BTBD7: variants seen among roughly 807,000 people sequenced by gnomAD.
BTBD7 encodes the protein BTB domain containing 7, also known as BTB/POZ domain-containing protein 7.
A neutral mutation model predicts 99.9 loss-of-function variants in BTBD7; 38 were observed. The ratio of observed to expected loss-of-function variants is 0.38; its 90% CI spans 0.29 to 0.50. BTBD7 has a LOEUF of 0.50. Among genes scored for constraint, BTBD7 ranks in the 20% least tolerant of loss-of-function variants. The probability of loss-of-function intolerance (pLI) is 0.93; values close to 1 mark genes in which losing one functional copy is unlikely to be tolerated. For synonymous variants in BTBD7, 520 were observed against 511.4 expected (o/e 1.02, Z -0.23); for missense variants, 1,170 against 1,394.6 (o/e 0.84, Z 2.57).
At chr14:93,260,096 C>G (rs899262700) in intron 5 of BTBD7, among the ~76,000 whole-genome samples, 2 of 151,970 alleles carry the variant, frequency 1.3e-5, no homozygotes, top group Admixed American at 1.3e-4. Flanking sequence ...GCTTTTGTTC[C>G]CTAGAGCTTG....
intron 1 of BTBD7, among the ~76,000 whole-genome samples, chr14:93,313,710 A>AT (rs2053166486): frequency 7.0e-6 from 1 of 143,440 alleles, no homozygotes; most frequent in Non-Finnish European, 1.6e-5. Flanking sequence ...ACACACACAC[A>AT]CACACAATCA....
intron 1 of BTBD7, among the ~76,000 whole-genome samples, chr14:93,301,686 C>T (rs8022298): frequency 0.38 from 58,289 of 151,750 alleles, 12,370 homozygotes; most frequent in African/African-American, 0.58. Context: ...GAGACTTTCT[C>T]AAAAACAAAA....
At chr14:93,258,440 C>A (rs2052454124) in intron 5 of BTBD7, among the ~76,000 whole-genome samples, 1 of 151,830 alleles carries the variant, frequency 6.6e-6, no homozygotes, top group African/African-American at 2.4e-5. Flanking sequence ...TTACATGAAA[C>A]CCCCAAATAT....
rs552188227 is a variant in BTBD7, at chr14:93,274,560, G to A, written c.1163-10567C>T. ...AAGACAATCCTGAAGTACATTCCAT[G>A]TGGCTCATCAGTGAGTTCCAGTAGG... On this transcript the variant is annotated intron_variant, in intron 3 of 10. Coordinates refer to ENST00000334746, the MANE Select transcript of BTBD7 (RefSeq NM_001002860.4). 3.3e-3 allele frequency among the ~76,000 whole-genome samples: 504 copies of A among 152,304 alleles called. 1 individual carries two copies. Among genetic ancestry groups the A allele is most frequent in the African/African-American group, 0.011 (469 of 41,568 alleles).
intron 5 of BTBD7, among the ~76,000 whole-genome samples, chr14:93,260,360 TACA>T (rs1409400459): frequency 3.9e-5 from 6 of 152,308 alleles, no homozygotes; most frequent in Non-Finnish European, 5.9e-5. Flanking sequence ...CATAAAGGAA[TACA>T]ACGATGTTTG....
intron 2 of BTBD7, 132 bp downstream of exon 2, chr14:93,295,838 G>A: frequency 1.3e-6 from 1 of 798,524 alleles, no homozygotes; most frequent in Admixed American, 3.0e-5. Context: ...GTTTGTTGGG[G>A]GAAAAAACCT....
At position 93,293,972 on chromosome 14, in the gene BTBD7, T is replaced by C. The variant is rs773562767; in HGVS notation, c.1048A>G (p.Ser350Gly). 2.5e-6 allele frequency: 4 copies of C among 1,613,770 alleles called. No homozygotes were observed. The South Asian group carries it at 4.4e-5, about 18-fold the overall frequency. The change falls in exon 3 of 11, where the codon AGT (serine) becomes GGT (glycine). Residue 350 changes from serine to glycine, a missense_variant. By Grantham distance (56) the Ser-to-Gly change is moderately conservative. Transcript: ENST00000334746. ...ACGAGAGCCTGAACTTCACTGAGAC[T>C]CCCCACAGAGGGGCTACAGTGCAAA... ...SVLHCSPSVG[S>G]LSEVQALVAG... is the part of the protein sequence containing the mutation.
chr14:93,281,098 G>A (rs993798008), intron 3 of BTBD7, among the ~76,000 whole-genome samples: 1 of 151,758 alleles, frequency 6.6e-6, no homozygotes, highest in Non-Finnish European at 1.5e-5. Context: ...CGCTTCTTGG[G>A]CTCTTGATCC....
At chr14:93,328,999 C>A (rs955417919) in intron 1 of BTBD7, among the ~76,000 whole-genome samples, 1 of 152,040 alleles carries the variant, frequency 6.6e-6, no homozygotes, top group South Asian at 2.1e-4. Context: ...ACACCAAAAG[C>A]ATAAGCAACA....
At chr14:93,288,954 T>TC (rs1454956117) in intron 3 of BTBD7, among the ~76,000 whole-genome samples, 1 of 152,230 alleles carries the variant, frequency 6.6e-6, no homozygotes, top group Non-Finnish European at 1.5e-5. Context: ...ATCCCTACCC[T>TC]CCTCTGTTGC....
chr14:93,248,641 G>C lies in BTBD7; in HGVS notation c.1956C>G (p.Leu652=). 6.2e-7 allele frequency: 1 copy of C among 1,607,930 alleles called. No homozygotes were observed. Among genetic ancestry groups the C allele is most frequent in the Non-Finnish European group, 8.5e-7 (1 of 1,178,050 alleles). ...VANEIPVPRL[L]IMKDMVRRLQ... ...GTCGTCTGACCATGTCTTTCATAAT[G>C]AGGAGACGAGGAACTGGAAGGAGAA... Residue 652 remains leucine (L), a synonymous_variant, in exon 9 of 11, where the codon CTC becomes CTG. Transcript: ENST00000334746.
At chr14:93,321,906 G>A (rs1025615845) in intron 1 of BTBD7, among the ~76,000 whole-genome samples, 1 of 152,110 alleles carries the variant, frequency 6.6e-6, no homozygotes, top group Non-Finnish European at 1.5e-5. Context: ...AATAGAAGGA[G>A]CGAGAAGAAT....
intron 5 of BTBD7, among the ~76,000 whole-genome samples, chr14:93,261,385 A>C (rs1342843219): frequency 6.6e-6 from 1 of 152,194 alleles, no homozygotes; most frequent in Non-Finnish European, 1.5e-5. Context: ...CATAATAATA[A>C]AAAGTATCCT....
chr14:93,268,217 T>A (rs373296954), intron 3 of BTBD7, among the ~76,000 whole-genome samples: 23,573 of 152,200 alleles, frequency 0.15, 2,812 homozygotes, highest in African/African-American at 0.33. Context: ...AGTCTCAGCT[T>A]AGATGCTGCC....
chr14:93,309,551 C>T (rs1175636164), intron 1 of BTBD7, among the ~76,000 whole-genome samples: 1 of 151,786 alleles, frequency 6.6e-6, no homozygotes, highest in Non-Finnish European at 1.5e-5. Flanking sequence ...AGTGCTATAC[C>T]AACCTTTCTG....
At chr14:93,264,268 T>C (rs924650877) in intron 3 of BTBD7, among the ~76,000 whole-genome samples, 7 of 152,078 alleles carry the variant, frequency 4.6e-5, no homozygotes, top group African/African-American at 1.7e-4. Context: ...AAACCAATAA[T>C]GTGAGTAAGT....
At chr14:93,269,611 C>T (rs2052579597) in intron 3 of BTBD7, among the ~76,000 whole-genome samples, 1 of 152,202 alleles carries the variant, frequency 6.6e-6, no homozygotes, top group Non-Finnish European at 1.5e-5. Flanking sequence ...AGTCATGCTA[C>T]AGTTTTTTCT....
chr14:93,292,319 C>T (rs2052867923), intron 3 of BTBD7, among the ~76,000 whole-genome samples: 1 of 151,408 alleles, frequency 6.6e-6, no homozygotes, highest in Non-Finnish European at 1.5e-5. Context: ...GGTAATGTTG[C>T]AAACTTCAAA....
rs1434345372 is a variant in BTBD7, at chr14:93,241,310, G to C, written c.*963C>G. The C allele has an allele frequency of 6.9e-6, 1 of 145,092 alleles. No homozygotes were observed. Among genetic ancestry groups the C allele is most frequent in the South Asian group, 2.3e-4 (1 of 4,274 alleles). 9.0% of individuals were successfully genotyped at this position (145,092 alleles called of 1,614,324 possible). ...AGGCACGCACCACCACGCCTGGCTA[G>C]ATTTTTTTTTTTTTGTATTTTTTAT... On this transcript the variant is annotated 3_prime_UTR_variant, in exon 11 of 11. Transcript: ENST00000334746.
Sources: gnomAD v4.1 joint callset for allele counts (sites outside exome capture counted in the v4.1 genomes callset) on GRCh38, gnomAD v4.1.1 for gene constraint, MANE v1.5 for transcripts, NCBI Gene and HGNC (gene_info 2026-07-23, HGNC 2026-07-21) for gene names.